The following MARCHF1 variants were observed in gnomAD, a reference collection of about 807,000 sequenced individuals.
MARCHF1 encodes the protein membrane associated ring-CH-type finger 1, also known as E3 ubiquitin-protein ligase MARCHF1.
In MARCHF1, 40 loss-of-function variants were observed where a neutral mutation model predicts 54.2. The ratio of observed to expected loss-of-function variants is 0.74; its 90% confidence interval spans 0.57 to 0.96. The LOEUF is 0.96. Ranked by LOEUF, MARCHF1 falls within the 40% of genes least tolerant of loss-of-function variation. MARCHF1 has a pLI of 0.00. For missense variants in MARCHF1, 586 were observed against 656.5 expected (o/e 0.89, Z 1.17); for synonymous variants, 236 against 236.3 (o/e 1.00, Z 0.01).
intron 1 of MARCHF1, among the ~76,000 whole-genome samples, chr4:164,352,406 G>A (rs1286733856): frequency 2.3e-4 from 33 of 142,984 alleles, no homozygotes; most frequent in Middle Eastern, 3.5e-3. Context: ...GACTAACAGC[G>A]GATCTCTCGA....
At chr4:164,357,994 TAAGAG>T (rs1442750898) in intron 1 of MARCHF1, among the ~76,000 whole-genome samples, 3 of 152,086 alleles carry the variant, frequency 2.0e-5, no homozygotes, top group Non-Finnish European at 4.4e-5. Context: ...GTGAGAAACA[TAAGAG>T]AAGTAAAGGC....
chr4:163,638,528 G>T (rs1361285564), intron 5 of MARCHF1, among the ~76,000 whole-genome samples: 2 of 152,104 alleles, frequency 1.3e-5, no homozygotes, highest in Admixed American at 6.5e-5. Flanking sequence ...ACATGCTGGT[G>T]CTGTGCTTCC....
chr4:163,585,557 T>C (rs879776009), intron 8 of MARCHF1, 192 bp downstream of exon 8: 34 of 420,984 alleles, frequency 8.1e-5, no homozygotes, highest in Non-Finnish European at 1.3e-4. Flanking sequence ...CTCTAGAATA[T>C]AAAACATAGA....
At chr4:163,950,339 G>T (rs559143542) in intron 3 of MARCHF1, among the ~76,000 whole-genome samples, 1 of 152,310 alleles carries the variant, frequency 6.6e-6, no homozygotes, top group East Asian at 1.9e-4. Flanking sequence ...TGTCAGTGCT[G>T]CCTCGAGTGT....
chr4:163,542,833 C>T (rs1479817738), intron 9 of MARCHF1, among the ~76,000 whole-genome samples: 1 of 152,226 alleles, frequency 6.6e-6, no homozygotes, highest in Non-Finnish European at 1.5e-5. Context: ...CTAGGAATAA[C>T]GATCCTACTT....
At chr4:163,773,291 G>A (rs138889454) in intron 4 of MARCHF1, among the ~76,000 whole-genome samples, 6 of 152,164 alleles carry the variant, frequency 3.9e-5, no homozygotes, top group African/African-American at 1.4e-4. Context: ...CCTCCAAAAG[G>A]AGCCAGGTTA....
chr4:164,094,441 A>G (rs1299249867), intron 2 of MARCHF1, among the ~76,000 whole-genome samples: 1 of 152,172 alleles, frequency 6.6e-6, no homozygotes, highest in African/African-American at 2.4e-5. Flanking sequence ...AATCTCCAGC[A>G]AAGTCCGGAG....
intron 1 of MARCHF1, among the ~76,000 whole-genome samples, chr4:164,367,257 T>C (rs1290488417): frequency 6.6e-6 from 1 of 151,898 alleles, no homozygotes; most frequent in African/African-American, 2.4e-5. Context: ...TCATGGAGAG[T>C]CTTCTATTAT....
At chr4:163,613,148 T>C in intron 6 of MARCHF1, 110 bp from the exon 7 acceptor site, 2 of 1,249,970 alleles carry the variant, frequency 1.6e-6, no homozygotes, top group Non-Finnish European at 2.1e-6. Context: ...AGTAGATAAA[T>C]AAAGATCAAC....
At chr4:164,069,206 C>T (rs1027065110) in intron 2 of MARCHF1, among the ~76,000 whole-genome samples, 2 of 152,178 alleles carry the variant, frequency 1.3e-5, no homozygotes, top group South Asian at 4.1e-4. Flanking sequence ...AATCAATCAG[C>T]ACCCTGTCAA....
At chr4:164,035,835 C>T (rs1753982663) in intron 2 of MARCHF1, among the ~76,000 whole-genome samples, 2 of 149,676 alleles carry the variant, frequency 1.3e-5, no homozygotes, top group South Asian at 4.2e-4. Context: ...AATCTCAGCG[C>T]TTTGGGAGGG....
At chr4:163,834,908 G>T (rs1749138117) in intron 4 of MARCHF1, among the ~76,000 whole-genome samples, 1 of 150,544 alleles carries the variant, frequency 6.6e-6, no homozygotes, top group Admixed American at 6.8e-5. Flanking sequence ...TAGAGATGGG[G>T]TCTTGTTCTG....
intron 4 of MARCHF1, among the ~76,000 whole-genome samples, chr4:163,849,360 C>T (rs1046154027): frequency 2.6e-5 from 1 of 39,158 alleles, no homozygotes; most frequent in Non-Finnish European, 2.9e-4. Flanking sequence ...TAATCAGCCA[C>T]CATCATTATT....
At chr4:163,630,447 A>G (rs1016887267) in intron 5 of MARCHF1, among the ~76,000 whole-genome samples, 1 of 152,184 alleles carries the variant, frequency 6.6e-6, no homozygotes, top group Non-Finnish European at 1.5e-5. Flanking sequence ...TAGATTTCAC[A>G]GGGTTCCAGA....
chr4:164,073,428 T>G (rs1270726156), intron 2 of MARCHF1, among the ~76,000 whole-genome samples: 2 of 151,830 alleles, frequency 1.3e-5, no homozygotes, highest in Non-Finnish European at 2.9e-5. Flanking sequence ...TTCTCACTCA[T>G]AAGTGAGAGG....
chr4:163,753,355 A>G (rs1746579235), intron 4 of MARCHF1, among the ~76,000 whole-genome samples: 1 of 152,168 alleles, frequency 6.6e-6, no homozygotes, highest in African/African-American at 2.4e-5. Context: ...AATAAAGATA[A>G]TGAATATGTA....
chr4:164,305,544 C>T (rs949039601), intron 1 of MARCHF1, among the ~76,000 whole-genome samples: 4 of 152,056 alleles, frequency 2.6e-5, no homozygotes, highest in African/African-American at 9.7e-5. Flanking sequence ...TTCTAAAACT[C>T]TTAAGTTTTT....
At position 163,913,686 on chromosome 4, in the gene MARCHF1, A is replaced by G. The variant is rs567042660; in HGVS notation, c.-38-59517T>C. ...CTGAGGAGAATGAGCCTTCCTCTGG[A>G]TAGCCACTCTTGTTATCAAACACAT... On this transcript the variant is annotated intron_variant, in intron 3 of 9. Coordinates refer to ENST00000514618, the MANE Select transcript of MARCHF1 (RefSeq NM_001394959.1). Among the ~76,000 whole-genome samples the G allele has an allele frequency of 3.9e-5, 6 of 152,190 alleles. No individual in the cohort carries two copies. The South Asian group carries it at 1.2e-3, about 32-fold the overall frequency.
intron 3 of MARCHF1, among the ~76,000 whole-genome samples, chr4:163,952,768 A>C (rs951197684): frequency 2.6e-5 from 4 of 152,306 alleles, no homozygotes; most frequent in Admixed American, 6.5e-5. Context: ...GCACACCACC[A>C]AGCACAATTA....
Sources: allele counts gnomAD v4.1 joint callset (sites outside exome capture counted in the v4.1 genomes callset), GRCh38; gene constraint gnomAD v4.1.1; transcripts MANE v1.5; gene names NCBI Gene and HGNC (gene_info 2026-07-23, HGNC 2026-07-21).